Variants in HDLBP observed in about 807,000 individuals in gnomAD.
The protein encoded by HDLBP is high density lipoprotein binding protein.
Under a neutral mutation model 137.3 loss-of-function variants are expected in HDLBP, and 30 were observed. The ratio of observed to expected loss-of-function variants is 0.22; its 90% CI spans 0.16 to 0.30. The LOEUF is 0.30. Ranked by LOEUF, HDLBP falls within the 10% of genes least tolerant of loss-of-function variation. The probability of loss-of-function intolerance (pLI) is 1.00; values close to 1 mark genes in which losing one functional copy is unlikely to be tolerated. For synonymous variants in HDLBP, 606 were observed against 596.0 expected, an observed-to-expected ratio of 1.02 and a Z score of -0.24; for missense variants, 1,119 against 1,667.3, an observed-to-expected ratio of 0.67 and a Z score of 5.73.
At chr2:241,288,452 C>T (rs2074906472) in intron 1 of HDLBP, among the ~76,000 whole-genome samples, 1 of 152,102 alleles carries the variant, frequency 6.6e-6, no homozygotes, top group East Asian at 1.9e-4. Flanking sequence ...AAAAGGATCA[C>T]TAAGAGTGAG....
chr2:241,239,697 G>A lies in HDLBP; in HGVS notation c.2515C>T (p.Arg839Cys). 1 of 1,614,182 alleles carries A rather than the reference G, an allele frequency of 6.2e-7. No homozygotes were observed. The highest frequency in any genetic ancestry group is 1.1e-5 in the South Asian group (1 of 91,086). Residue 839 changes from arginine (R) to cysteine (C), a missense_variant, in exon 19 of 28, where the codon CGC becomes TGC. Around this residue, in one of 4 missense-constraint regions of HDLBP, gnomAD observed 618 missense variants for 816.7 expected, o/e 0.76. Transcript: ENST00000310931. The surrounding 1 kb of genome is among the most constrained non-coding windows in gnomAD (Gnocchi z 4.6). ...ACTTTGTCGCTCTGTGTGCCAGAGC[G>A]TGGGAAGCTGACCATCACCCCGCCA... ...EYGGVMVSFP[R>C]SGTQSDKVTL... is the part of the protein sequence containing the mutation.
chr2:241,255,431 T>C lies in HDLBP; in HGVS notation c.1023A>G (p.Val341=). 3 of 1,614,214 alleles carry C rather than the reference T, an allele frequency of 1.9e-6. No homozygotes were observed. The highest frequency in any genetic ancestry group is 2.5e-6 in the Non-Finnish European group (3 of 1,180,022). Residue 341 remains valine, a synonymous_variant, in exon 8 of 28, where the codon GTA becomes GTG. Transcript: ENST00000310931. The stretch of plus-strand genomic sequence containing the variant: ...ACTTTTCAGGTTCGCCTCGAAGTAT[T>C]ACAGTCTCAGAGATGCTGTCTGAGG... ...IPPSDSISET[V]ILRGEPEKLG...
intron 21 of HDLBP, chr2:241,235,992 T>C (rs1435354047): frequency 4.8e-6 from 1 of 207,942 alleles, no homozygotes; most frequent in Non-Finnish European, 9.7e-6. Flanking sequence ...CAGGACGGCT[T>C]TGGCTAATGC....
Position 241,255,407 on chromosome 2 carries a change from C to G in HDLBP, c.1047G>C (p.Lys349Asn), listed in dbSNP as rs755960637. 5.0e-6 allele frequency: 8 copies of G among 1,614,108 alleles called. No homozygotes were observed. The highest frequency in any genetic ancestry group is 6.8e-6 in the Non-Finnish European group (8 of 1,180,040). ...ETVILRGEPE[K>N]LGQALTEVYA... ...AGACTTCAGTCAACGCCTGACCTAA[C>G]TTTTCAGGTTCGCCTCGAAGTATTA... The change falls in exon 8 of 28, where the codon AAG becomes AAC. Residue 349 changes from lysine (K) to asparagine (N), a missense_variant. Around this residue, in one of 4 missense-constraint regions of HDLBP, gnomAD observed 425 missense variants for 693.9 expected, o/e 0.61. Transcript: ENST00000310931.
At chr2:241,268,095 G>T (rs1260834421) in intron 2 of HDLBP, 1 of 446,330 alleles carries the variant, frequency 2.2e-6, no homozygotes, top group South Asian at 9.5e-5. Flanking sequence ...GCACAACAAG[G>T]CCAAGTAATA....
Position 241,233,642 on chromosome 2 carries a change from C to A in HDLBP, c.3288+178G>T, listed in dbSNP as rs1268943833. ...GATACATAGTGCCAGAGACCTCACC[C>A]ATCTGGCAAGTACCGAGACACAGCC... On this transcript the variant is annotated intron_variant, in intron 24 of 27. Transcript: ENST00000310931. This position sits in a 1 kb window ranked among gnomAD's most constrained non-coding sequence, Gnocchi z 4.3. Among the ~76,000 whole-genome samples the A allele has an allele frequency of 6.6e-6, 1 of 152,170 alleles. No homozygotes were observed. Among genetic ancestry groups the A allele is most frequent in the Non-Finnish European group, 1.5e-5 (1 of 68,024 alleles).
chr2:241,272,621 C>T lies in HDLBP; in HGVS notation c.-102-4080G>A, dbSNP rs1386998976. 1.0e-6 allele frequency: 1 copy of T among 980,602 alleles called. No individual in the cohort carries two copies. The highest frequency in any genetic ancestry group is 1.8e-5 in the African/African-American group (1 of 56,722). The allele number at this position is 980,602 out of a possible 1,614,324, so 60.7% of individuals were successfully genotyped here. ...CGGGCGGGGGCCGCAGCCTGGGGCC[C>T]GGGTGGGGGCCGCGGCACCCGGGCC... On this transcript the variant is annotated intron_variant, in intron 1 of 27. Transcript: ENST00000310931. This position sits in a 1 kb window ranked among gnomAD's most constrained non-coding sequence, Gnocchi z 5.6.
chr2:241,282,100 A>ACACAAACATGGCACACGTGGCAGG (rs2074630632), intron 1 of HDLBP, among the ~76,000 whole-genome samples: 1 of 152,212 alleles, frequency 6.6e-6, no homozygotes, highest in African/African-American at 2.4e-5. Context: ...TCTACCACAA[A>ACACAAACATGGCACACGTGGCAGG]CACAAACATG....
chr2:241,272,324 G>T lies in HDLBP; in HGVS notation c.-102-3783C>A. On this transcript the variant is annotated intron_variant, in intron 1 of 27. Coordinates refer to ENST00000310931, the MANE Select transcript of HDLBP (RefSeq NM_005336.6). The surrounding 1 kb of genome is among the most constrained non-coding windows in gnomAD (Gnocchi z 5.6). ...CCGCACACGGCGCCCCCGCCGGAGCGGGGGAGGGGAGGGCCGGCCCCGCCA... is the reference window on the plus strand; with the variant it reads ...CCGCACACGGCGCCCCCGCCGGAGCTGGGGAGGGGAGGGCCGGCCCCGCCA... 1.0e-6 allele frequency: 1 copy of T among 983,856 alleles called. No individual in the cohort carries two copies. The highest frequency in any genetic ancestry group is 1.2e-6 in the Non-Finnish European group (1 of 828,844). 60.9% of individuals were successfully genotyped at this position (983,856 alleles called of 1,614,324 possible).
At chr2:241,263,505 C>A (rs2073372073) in intron 4 of HDLBP, among the ~76,000 whole-genome samples, 1 of 151,990 alleles carries the variant, frequency 6.6e-6, no homozygotes, top group South Asian at 2.1e-4. Flanking sequence ...CAAGAGGGAT[C>A]AACTACCCTG....
At chr2:241,301,180 G>A (rs2075386388) in intron 1 of HDLBP, among the ~76,000 whole-genome samples, 1 of 150,484 alleles carries the variant, frequency 6.6e-6, no homozygotes, top group Admixed American at 6.6e-5. Flanking sequence ...GTAGAGACGG[G>A]GCTTCATCGT....
chr2:241,240,782 G>A lies in HDLBP; in HGVS notation c.2170-660C>T, dbSNP rs1301334735. Among the ~76,000 whole-genome samples the A allele has an allele frequency of 3.3e-5, 5 of 152,220 alleles. No individual in the cohort carries two copies. Among genetic ancestry groups the A allele is most frequent in the East Asian group, 1.9e-4 (1 of 5,176 alleles). On this transcript the variant is annotated intron_variant, in intron 17 of 27. Transcript: ENST00000310931. This position sits in a 1 kb window ranked among gnomAD's most constrained non-coding sequence, Gnocchi z 5.5. ...AAAACGAGGGTCCTGGAAAGGCCCC[G>A]GACACTGCTTGTGGACACCAGTGCT... is the stretch of plus-strand genomic sequence containing the variant.
chr2:241,229,990 C>T, intron 26 of HDLBP, 29 bp from the exon 27 acceptor site: 1 of 1,579,274 alleles, frequency 6.3e-7, no homozygotes, highest in Non-Finnish European at 8.6e-7. Flanking sequence ...AAGACAGGGT[C>T]AGTCTGCCCA....
In HDLBP at chr2:241,230,171, G is replaced by A; in HGVS notation, c.3573C>T (p.Leu1191=). The A allele has an allele frequency of 1.2e-6, 2 of 1,613,428 alleles. No individual in the cohort carries two copies. The highest frequency in any genetic ancestry group is 1.7e-6 in the Non-Finnish European group (2 of 1,179,450). The change falls in exon 26 of 28, where the codon CTC becomes CTT. Residue 1191 remains leucine (L), a synonymous_variant. Transcript: ENST00000310931. This position sits in a 1 kb window ranked among gnomAD's most constrained non-coding sequence, Gnocchi z 5.0. The part of the protein sequence containing the change: ...ENVEEAIDHI[L]NLEEEYLADV... Reference sequence around the variant, plus strand: ...GACTCACGTATTCCTCCTCCAGATTGAGGATGTGGTCGATGGCTTCCTCCA... The same window carrying A: ...GACTCACGTATTCCTCCTCCAGATTAAGGATGTGGTCGATGGCTTCCTCCA...
At chr2:241,295,370 G>C (rs772019537) in intron 1 of HDLBP, among the ~76,000 whole-genome samples, 2 of 152,174 alleles carry the variant, frequency 1.3e-5, no homozygotes, top group Non-Finnish European at 2.9e-5. Flanking sequence ...GAAGCAAGGA[G>C]ACAAATACCA....
At chr2:241,261,371 G>C (rs2073164138) in intron 5 of HDLBP, among the ~76,000 whole-genome samples, 1 of 152,006 alleles carries the variant, frequency 6.6e-6, no homozygotes, top group Non-Finnish European at 1.5e-5. Flanking sequence ...GGGTTAAAAA[G>C]GTATAATATT....
At chr2:241,288,294 T>C (rs1050765094) in intron 1 of HDLBP, among the ~76,000 whole-genome samples, 4 of 152,206 alleles carry the variant, frequency 2.6e-5, no homozygotes, top group African/African-American at 9.6e-5. Flanking sequence ...TGACTTTACA[T>C]GAACCTATTC....
chr2:241,305,319 C>T (rs2149707326), intron 1 of HDLBP, among the ~76,000 whole-genome samples: 1 of 152,308 alleles, frequency 6.6e-6, no homozygotes. Context: ...GATGGGGTTT[C>T]ACCATGTTGG....
At chr2:241,229,784 G>GGGCCCCCCC in intron 27 of HDLBP, 49 bp downstream of exon 27, 5 of 1,502,534 alleles carry the variant, frequency 3.3e-6, no homozygotes, top group Non-Finnish European at 4.6e-6. Flanking sequence ...AAGCCCGCCT[G>GGGCCCCCCC]CCCGCCCACC....
Sources: gnomAD v4.1 joint callset for allele counts (sites outside exome capture counted in the v4.1 genomes callset) on GRCh38, gnomAD v4.1.1 for gene constraint, gnomAD v4.1.1 regional missense constraint, Gnocchi (gnomAD v3.1) non-coding constraint, MANE v1.5 for transcripts, NCBI Gene and HGNC (gene_info 2026-07-23, HGNC 2026-07-21) for gene names.